Variants in FGD3 observed in about 807,000 individuals in gnomAD.
The protein encoded by FGD3 is FYVE, RhoGEF and PH domain-containing protein 3.
In FGD3, 45 loss-of-function variants were observed where a neutral mutation model predicts 71.8. The observed-to-expected ratio is 0.63, with a 90% CI of 0.49 to 0.80. The LOEUF (loss-of-function observed/expected upper bound fraction) is 0.80, where lower values mean the gene tolerates loss of function less well. Ranked by LOEUF, FGD3 falls within the 30% of genes least tolerant of loss-of-function variation. The pLI, the probability that FGD3 is intolerant of heterozygous loss-of-function variation, is 0.00. For missense variants in FGD3, 844 were observed against 951.5 expected (o/e 0.89, Z 1.49); for synonymous variants, 378 against 392.8 (o/e 0.96, Z 0.44).
chr9:93,034,493 G>T, intron 16 of FGD3, 48 bp from the exon 17 acceptor site: 5 of 1,555,992 alleles, frequency 3.2e-6, no homozygotes, highest in South Asian at 2.4e-5. Context: ...GAACAGGGGT[G>T]ACCACTGCAG....
At chr9:92,994,003 A>G (rs1349879778) in intron 3 of FGD3, among the ~76,000 whole-genome samples, 1 of 152,186 alleles carries the variant, frequency 6.6e-6, no homozygotes, top group African/African-American at 2.4e-5. Flanking sequence ...GCTGGGTCAA[A>G]TAATATTTCT....
intron 13 of FGD3, among the ~76,000 whole-genome samples, chr9:93,021,978 A>G (rs1861936250): frequency 6.6e-6 from 1 of 152,144 alleles, no homozygotes; most frequent in Non-Finnish European, 1.5e-5. Flanking sequence ...CAGAGACTCC[A>G]CAAGGAACCC....
chr9:93,011,085 C>T, intron 7 of FGD3, 129 bp from the exon 8 acceptor site: 1 of 947,158 alleles, frequency 1.1e-6, no homozygotes, highest in Non-Finnish European at 1.7e-6. Context: ...CTAGAGTAGC[C>T]CAGGCACCCT....
At chr9:92,968,228 G>A (rs969524443) in intron 1 of FGD3, among the ~76,000 whole-genome samples, 1 of 152,134 alleles carries the variant, frequency 6.6e-6, no homozygotes, top group African/African-American at 2.4e-5. Flanking sequence ...CCAGGGCTAT[G>A]GGTCATGAAG....
chr9:93,016,660 A>G (rs1861708064), intron 10 of FGD3, among the ~76,000 whole-genome samples: 1 of 140,088 alleles, frequency 7.1e-6, no homozygotes, highest in East Asian at 2.1e-4. Context: ...TTTTAATGGT[A>G]TTTCTTAACC....
intron 8 of FGD3, 103 bp from the exon 9 acceptor site, chr9:93,013,747 CCT>C (rs1861538589): frequency 6.9e-7 from 1 of 1,439,952 alleles, no homozygotes; most frequent in Non-Finnish European, 9.6e-7. Context: ...AGCTCATTGC[CCT>C]CTCTGGATTC....
intron 14 of FGD3, among the ~76,000 whole-genome samples, chr9:93,023,604 C>G (rs1862009156): frequency 6.6e-6 from 1 of 152,024 alleles, no homozygotes; most frequent in African/African-American, 2.4e-5. Flanking sequence ...TCTCACTTGT[C>G]TCTTCTTGTG....
chr9:93,010,201 A>C lies in FGD3; in HGVS notation c.838-45A>C, dbSNP rs756050805. The C allele has an allele frequency of 4.5e-6, 7 of 1,558,082 alleles. No individual in the cohort carries two copies. In the South Asian group the frequency reaches 8.2e-5, roughly 18 times the overall value. On this transcript the variant is annotated intron_variant, in intron 6 of 17. Coordinates refer to ENST00000375482, the MANE Select transcript of FGD3 (RefSeq NM_001083536.2). ...CCAGAAGCCGGTGGGGCTGGCATCC[A>C]CACACGTGTCCTTGGAGTGCCCAAT...
At chr9:92,977,349 T>A (rs1217032886) in intron 3 of FGD3, among the ~76,000 whole-genome samples, 1 of 151,880 alleles carries the variant, frequency 6.6e-6, no homozygotes, top group Non-Finnish European at 1.5e-5. Flanking sequence ...CTTGGGGAGA[T>A]GGAGAGGCAG....
chr9:92,960,131 T>C (rs7021090), intron 1 of FGD3, among the ~76,000 whole-genome samples: 102,660 of 151,700 alleles, frequency 0.68, 35,488 homozygotes, highest in African/African-American at 0.82. Context: ...GTCATGTCCC[T>C]GTGTCTTCAT....
At chr9:93,033,340 CCCG>C (rs1564173915) in intron 16 of FGD3, 1 of 134,836 alleles carries the variant, frequency 7.4e-6, no homozygotes, top group African/African-American at 5.1e-5. Context: ...CCTCCTCCTC[CCCG>C]TCCCCTTCTC....
At chr9:92,965,555 G>A (rs1268156668) in intron 1 of FGD3, among the ~76,000 whole-genome samples, 1 of 152,216 alleles carries the variant, frequency 6.6e-6, no homozygotes, top group Non-Finnish European at 1.5e-5. Context: ...GGAGGTCCAC[G>A]TCTACACAAA....
At chr9:93,011,392 A>T (rs557463061) in intron 8 of FGD3, 120 bp downstream of exon 8, 1 of 1,217,116 alleles carries the variant, frequency 8.2e-7, no homozygotes, top group East Asian at 2.4e-5. Context: ...TGACTCTTTT[A>T]TACCTCCTTC....
At chr9:92,985,787 G>A (rs1482846484) in intron 3 of FGD3, among the ~76,000 whole-genome samples, 2 of 152,006 alleles carry the variant, frequency 1.3e-5, no homozygotes, top group African/African-American at 4.8e-5. Flanking sequence ...CCATTTTTCT[G>A]TTTTAAGGTT....
intron 3 of FGD3, among the ~76,000 whole-genome samples, chr9:92,999,710 C>T (rs1050923276): frequency 6.6e-6 from 1 of 151,698 alleles, no homozygotes; most frequent in Non-Finnish European, 1.5e-5. Context: ...TCTCCTGCCT[C>T]AGCCTCCTGA....
chr9:92,960,132 G>A (rs888382130), intron 1 of FGD3, among the ~76,000 whole-genome samples: 5 of 151,238 alleles, frequency 3.3e-5, no homozygotes, highest in East Asian at 1.9e-4. Context: ...TCATGTCCCT[G>A]TGTCTTCATG....
chr9:93,009,322 AAC>A (rs1861203354), intron 6 of FGD3, among the ~76,000 whole-genome samples: 2 of 152,216 alleles, frequency 1.3e-5, no homozygotes, highest in Non-Finnish European at 2.9e-5. Context: ...TCTTGACAGA[AAC>A]AGTTGTTTTT....
chr9:93,015,635 A>G (rs1346900669), intron 9 of FGD3, 102 bp from the exon 10 acceptor site: 5 of 754,476 alleles, frequency 6.6e-6, no homozygotes, highest in South Asian at 1.6e-5. Flanking sequence ...ACTTTATAAC[A>G]TTAAAAAAAA....
rs946472165 is a variant in FGD3 at position 93,003,378 on chromosome 9, C to A, written c.543+364C>A. ...TCCTGACCTCAGGTGATCCACCAGCCTCGGCCTCCCAAAGTCCTGGGATTA... is the reference window on the plus strand; with the variant it reads ...TCCTGACCTCAGGTGATCCACCAGCATCGGCCTCCCAAAGTCCTGGGATTA... On this transcript the variant is annotated intron_variant, in intron 4 of 17. Transcript: ENST00000375482. The surrounding 1 kb of genome is among the most constrained non-coding windows in gnomAD (Gnocchi z 4.1). 6.6e-6 allele frequency among the ~76,000 whole-genome samples: 1 copy of A among 152,206 alleles called. No homozygotes were observed. The highest frequency in any genetic ancestry group is 1.5e-5 in the Non-Finnish European group (1 of 68,046).
Sources: gnomAD v4.1 joint callset for allele counts (sites outside exome capture counted in the v4.1 genomes callset) on GRCh38, gnomAD v4.1.1 for gene constraint, Gnocchi (gnomAD v3.1) non-coding constraint, MANE v1.5 for transcripts, NCBI Gene and HGNC (gene_info 2026-07-23, HGNC 2026-07-21) for gene names.